Variants in PLCH1 observed in about 807,000 individuals in gnomAD.
The protein encoded by PLCH1 is 1-phosphatidylinositol 4,5-bisphosphate phosphodiesterase eta-1.
A neutral mutation model predicts 126.7 loss-of-function variants in PLCH1; 60 were observed. The ratio of observed to expected loss-of-function variants is 0.47; its 90% CI spans 0.38 to 0.59. The LOEUF is 0.59. Among genes scored for constraint, PLCH1 ranks in the 20% least tolerant of loss-of-function variants. The probability of loss-of-function intolerance (pLI) is 0.00; values close to 1 mark genes in which losing one functional copy is unlikely to be tolerated. For synonymous variants in PLCH1, 719 were observed against 734.9 expected (o/e 0.98, Z 0.35); for missense variants, 1,723 against 2,040.0 (o/e 0.84, Z 2.99).
At chr3:155,498,529 C>T (rs565360605) in intron 14 of PLCH1, among the ~76,000 whole-genome samples, 1 of 152,202 alleles carries the variant, frequency 6.6e-6, no homozygotes, top group East Asian at 1.9e-4. Context: ...GGGAGTAACA[C>T]CAGAGTTCAT....
At chr3:155,607,462 C>A (rs552591289) in intron 2 of PLCH1, among the ~76,000 whole-genome samples, 4 of 146,926 alleles carry the variant, frequency 2.7e-5, no homozygotes, top group African/African-American at 1.0e-4. Flanking sequence ...GTTTTTTTTT[C>A]TTTTGAGACA....
At chr3:155,541,105 G>A (rs145343107) in intron 10 of PLCH1, among the ~76,000 whole-genome samples, 1,545 of 152,278 alleles carry the variant, frequency 0.01, 17 homozygotes, top group Middle Eastern at 0.048. Flanking sequence ...AGATGGAACT[G>A]GAGACCATTA....
At chr3:155,576,399 T>C (rs1158658538) in intron 6 of PLCH1, among the ~76,000 whole-genome samples, 1 of 152,174 alleles carries the variant, frequency 6.6e-6, no homozygotes, top group Admixed American at 6.5e-5. Context: ...TTCCTCATGG[T>C]TATAAAAGAT....
At chr3:155,491,841 G>A (rs980352874) in intron 18 of PLCH1, among the ~76,000 whole-genome samples, 2 of 151,976 alleles carry the variant, frequency 1.3e-5, no homozygotes, top group African/African-American at 4.8e-5. Flanking sequence ...AATTAATCAA[G>A]CTATGCATGT....
chr3:155,608,205 C>T (rs188037608), intron 2 of PLCH1, among the ~76,000 whole-genome samples: 1 of 152,286 alleles, frequency 6.6e-6, no homozygotes, highest in East Asian at 1.9e-4. Context: ...TTGACTTTAT[C>T]TAACAGGGGT....
At chr3:155,466,240 C>T (rs926319414) in intron 21 of PLCH1, among the ~76,000 whole-genome samples, 2 of 152,188 alleles carry the variant, frequency 1.3e-5, no homozygotes, top group Non-Finnish European at 2.9e-5. Flanking sequence ...GTGGTGACTA[C>T]AGGGGTGGTC....
intron 12 of PLCH1, among the ~76,000 whole-genome samples, chr3:155,510,214 C>A (rs1719243629): frequency 1.8e-5 from 2 of 110,228 alleles, no homozygotes; most frequent in Admixed American, 9.1e-5. Context: ...CTTGGTGGAT[C>A]TTCCTCCATC....
intron 1 of PLCH1, among the ~76,000 whole-genome samples, chr3:155,732,648 C>G (rs1036548662): frequency 1.3e-5 from 2 of 151,876 alleles, no homozygotes; most frequent in East Asian, 1.9e-4. Flanking sequence ...GAAGCTGAGG[C>G]AGGCGAATCA....
chr3:155,680,537 A>G (rs567689774), intron 2 of PLCH1, among the ~76,000 whole-genome samples: 3 of 152,258 alleles, frequency 2.0e-5, no homozygotes, highest in Admixed American at 6.5e-5. Context: ...CCTAAGACCT[A>G]TCCCACATAC....
intron 21 of PLCH1, among the ~76,000 whole-genome samples, chr3:155,467,644 G>T (rs1166072029): frequency 1.3e-5 from 2 of 152,104 alleles, no homozygotes; most frequent in African/African-American, 4.8e-5. Flanking sequence ...AATACATCTG[G>T]CTGCAGACTT....
chr3:155,643,399 A>C (rs1433621333), intron 2 of PLCH1, among the ~76,000 whole-genome samples: 1 of 152,232 alleles, frequency 6.6e-6, no homozygotes, highest in Non-Finnish European at 1.5e-5. Flanking sequence ...GTGCAGTCTC[A>C]GCTGATCTGA....
At chr3:155,541,816 T>C (rs970973017) in intron 10 of PLCH1, among the ~76,000 whole-genome samples, 4 of 150,270 alleles carry the variant, frequency 2.7e-5, no homozygotes, top group African/African-American at 9.7e-5. Context: ...CTTCAATTTG[T>C]TACACACACA....
At position 155,635,438 on chromosome 3, in the gene PLCH1, A is replaced by G. The variant is rs147268506; in HGVS notation, c.80-39060T>C. On this transcript the variant is annotated intron_variant, in intron 2 of 22. Coordinates refer to ENST00000460012, the MANE Select transcript of PLCH1 (RefSeq NM_014996.4). ...AATGGTTACTGATGATCCATAACCT[A>G]CAGCCTGCTCTGAGAGGACTATGCA... 2.5e-3 allele frequency among the ~76,000 whole-genome samples: 386 copies of G among 152,328 alleles called. 3 individuals carry two copies. Among genetic ancestry groups the G allele is most frequent in the African/African-American group, 8.9e-3 (371 of 41,576 alleles).
At chr3:155,604,281 A>G (rs928719336) in intron 2 of PLCH1, among the ~76,000 whole-genome samples, 1 of 152,250 alleles carries the variant, frequency 6.6e-6, no homozygotes, top group Non-Finnish European at 1.5e-5. Context: ...AAATAATACA[A>G]GCTTATGAAT....
chr3:155,655,989 G>T (rs1741309134), intron 2 of PLCH1, among the ~76,000 whole-genome samples: 2 of 152,046 alleles, frequency 1.3e-5, no homozygotes, highest in Admixed American at 1.3e-4. Context: ...AACTTCAAAA[G>T]AGAAAGAACC....
At chr3:155,564,766 A>T in intron 8 of PLCH1, 149 bp downstream of exon 8, 1 of 577,752 alleles carries the variant, frequency 1.7e-6, no homozygotes, top group Non-Finnish European at 3.1e-6. Context: ...GAGAATTATG[A>T]GTTAAGATTG....
At chr3:155,610,226 T>A (rs1577133035) in intron 2 of PLCH1, among the ~76,000 whole-genome samples, 1 of 151,738 alleles carries the variant, frequency 6.6e-6, no homozygotes, top group African/African-American at 2.4e-5. Context: ...CCGGGCATGG[T>A]TGCACATGCC....
At chr3:155,527,214 A>G (rs547985305) in intron 10 of PLCH1, among the ~76,000 whole-genome samples, 1 of 152,330 alleles carries the variant, frequency 6.6e-6, no homozygotes, top group African/African-American at 2.4e-5. Context: ...ATAGGGATGG[A>G]GACTTCCTTA....
At chr3:155,741,306 C>A (rs1459201072) in intron 1 of PLCH1, among the ~76,000 whole-genome samples, 1 of 152,226 alleles carries the variant, frequency 6.6e-6, no homozygotes, top group African/African-American at 2.4e-5. Context: ...CTTCCCAGGC[C>A]GAGGAGGCAT....
Sources: gnomAD v4.1 joint callset for allele counts (sites outside exome capture counted in the v4.1 genomes callset) on GRCh38, gnomAD v4.1.1 for gene constraint, MANE v1.5 for transcripts, NCBI Gene and HGNC (gene_info 2026-07-23, HGNC 2026-07-21) for gene names.